RAD18: variants seen among roughly 807,000 people sequenced by gnomAD.
RAD18 encodes RAD18 E3 ubiquitin protein ligase.
A neutral mutation model predicts 60.4 loss-of-function variants in RAD18; 47 were observed. That is an observed-to-expected ratio of 0.78 (90% confidence interval 0.62 to 0.99). The LOEUF is 0.99. RAD18 is among the 50% of genes least tolerant of loss of function. RAD18 has a pLI of 0.00. For missense variants in RAD18, 640 were observed against 593.3 expected, an observed-to-expected ratio of 1.08 and a Z score of -0.82; for synonymous variants, 225 against 195.5, an observed-to-expected ratio of 1.15 and a Z score of -1.26.
intron 1 of RAD18, among the ~76,000 whole-genome samples, chr3:8,961,074 T>A (rs1327372388): frequency 6.6e-6 from 1 of 152,130 alleles, no homozygotes; most frequent in African/African-American, 2.4e-5. Flanking sequence ...CCAGAACCAG[T>A]CTATTATATC....
intron 11 of RAD18, 61 bp downstream of exon 11, chr3:8,898,829 CCTAT>C (rs754446460): frequency 1.8e-4 from 235 of 1,304,164 alleles, no homozygotes; most frequent in Non-Finnish European, 2.3e-4. Context: ...ATTATTTCTG[CCTAT>C]CTATCTACAT....
At chr3:8,902,586 A>T in intron 9 of RAD18, 66 bp from the exon 10 acceptor site, 1 of 1,459,694 alleles carries the variant, frequency 6.9e-7, no homozygotes, top group Non-Finnish European at 9.2e-7. Flanking sequence ...CAACTGACAA[A>T]CTGAATATCA....
In RAD18 at chr3:8,938,186, A is replaced by C. The variant is rs542810067; in HGVS notation, c.704+1368T>G. Reference sequence around the variant, plus strand: ...TAAGCAACCTAAAAATCTAAATTTTATTCTCATTAACAAACTTACCCACTA... The same window carrying C: ...TAAGCAACCTAAAAATCTAAATTTTCTTCTCATTAACAAACTTACCCACTA... On this transcript the variant is annotated intron_variant, in intron 6 of 12. Transcript: ENST00000264926. Among the ~76,000 whole-genome samples, 34 of 152,340 alleles carry C rather than the reference A, an allele frequency of 2.2e-4. No homozygotes were observed. In the South Asian group the frequency reaches 6.6e-3, roughly 30 times the overall value.
chr3:8,909,974 T>C (rs933872369), intron 9 of RAD18, among the ~76,000 whole-genome samples: 2 of 152,194 alleles, frequency 1.3e-5, no homozygotes, highest in East Asian at 1.9e-4. Context: ...AAATGTATTC[T>C]ACCAAAACAA....
chr3:8,923,776 A>G (rs529283672), intron 7 of RAD18, among the ~76,000 whole-genome samples: 1 of 152,230 alleles, frequency 6.6e-6, no homozygotes, highest in African/African-American at 2.4e-5. Context: ...TCTTAAAGAA[A>G]AGAATTTTCA....
chr3:8,944,998 A>T (rs1165182869), intron 4 of RAD18, among the ~76,000 whole-genome samples: 2 of 152,240 alleles, frequency 1.3e-5, no homozygotes, highest in African/African-American at 4.8e-5. Flanking sequence ...GTAACAATAC[A>T]ACAATGAAAA....
At chr3:8,919,916 A>C (rs1050332778) in intron 7 of RAD18, among the ~76,000 whole-genome samples, 6 of 152,262 alleles carry the variant, frequency 3.9e-5, no homozygotes. Flanking sequence ...GGAAAAATAC[A>C]AACACGAAAA....
chr3:8,915,645 G>A (rs1020347100), intron 7 of RAD18, among the ~76,000 whole-genome samples: 3 of 150,296 alleles, frequency 2.0e-5, no homozygotes, highest in Non-Finnish European at 4.4e-5. Context: ...GTGCAGTGGC[G>A]CGATCTCGGC....
chr3:8,952,526 T>C (rs1940942877), intron 2 of RAD18, among the ~76,000 whole-genome samples: 1 of 152,228 alleles, frequency 6.6e-6, no homozygotes, highest in Non-Finnish European at 1.5e-5. Flanking sequence ...ATTCTTAATA[T>C]GTAATATTGA....
At chr3:8,948,940 T>C (rs1334276984) in intron 2 of RAD18, among the ~76,000 whole-genome samples, 1 of 152,178 alleles carries the variant, frequency 6.6e-6, no homozygotes, top group Non-Finnish European at 1.5e-5. Flanking sequence ...TATATACACA[T>C]ATTAAGAAAA....
intron 9 of RAD18, among the ~76,000 whole-genome samples, chr3:8,902,759 TCA>T (rs1400640893): frequency 1.3e-5 from 2 of 151,964 alleles, no homozygotes; most frequent in Non-Finnish European, 2.9e-5. Context: ...AGGTGTGGTA[TCA>T]CATGCCTGTA....
intron 9 of RAD18, among the ~76,000 whole-genome samples, chr3:8,910,524 C>T (rs942247684): frequency 6.6e-6 from 1 of 151,664 alleles, no homozygotes; most frequent in East Asian, 1.9e-4. Context: ...AGGAGAATGG[C>T]GTGAACCCAG....
chr3:8,885,087 T>C (rs1398690731), intron 12 of RAD18, among the ~76,000 whole-genome samples: 1 of 152,308 alleles, frequency 6.6e-6, no homozygotes, highest in South Asian at 2.1e-4. Flanking sequence ...GATCTGGCCA[T>C]TCATCATCAG....
chr3:8,915,144 T>C (rs1268693122), intron 7 of RAD18, among the ~76,000 whole-genome samples: 1 of 25,414 alleles, frequency 3.9e-5, no homozygotes, highest in African/African-American at 8.4e-5. Context: ...CGAGACTCCG[T>C]CTCAAAAAAA....
At chr3:8,946,889 A>G (rs553547421) in intron 4 of RAD18, 151 of 211,908 alleles carry the variant, frequency 7.1e-4, no homozygotes, top group South Asian at 4.0e-3. Context: ...TCTAAATACT[A>G]TTCTCCAAGA....
chr3:8,888,694 A>G (rs969671914), intron 12 of RAD18, among the ~76,000 whole-genome samples: 9 of 152,266 alleles, frequency 5.9e-5, no homozygotes, highest in African/African-American at 2.2e-4. Flanking sequence ...TCCTGGAGGT[A>G]TCACTAACTA....
intron 10 of RAD18, among the ~76,000 whole-genome samples, chr3:8,900,100 T>C (rs1939876293): frequency 6.6e-6 from 1 of 152,222 alleles, no homozygotes; most frequent in Non-Finnish European, 1.5e-5. Flanking sequence ...AAGTTTTTGT[T>C]ACACTGAGAG....
intron 7 of RAD18, 123 bp downstream of exon 7, chr3:8,935,748 T>G: frequency 1.1e-6 from 1 of 924,696 alleles, no homozygotes; most frequent in Non-Finnish European, 1.5e-6. Flanking sequence ...AGGAACACAT[T>G]TGCACGTCTT....
intron 7 of RAD18, among the ~76,000 whole-genome samples, chr3:8,923,589 A>C (rs1309779050): frequency 6.6e-6 from 1 of 152,074 alleles, no homozygotes; most frequent in Non-Finnish European, 1.5e-5. Flanking sequence ...CCTCGAGAAG[A>C]GCAACTCCAA....
Sources: gnomAD v4.1 joint callset for allele counts (sites outside exome capture counted in the v4.1 genomes callset) on GRCh38, gnomAD v4.1.1 for gene constraint, MANE v1.5 for transcripts, NCBI Gene and HGNC (gene_info 2026-07-23, HGNC 2026-07-21) for gene names.